The following NRG3 variants were observed in gnomAD, a reference collection of about 807,000 sequenced individuals.
The protein encoded by NRG3 is neuregulin 3.
NRG3 carries 31 observed loss-of-function variants against 66.9 expected under a neutral mutation model. The ratio of observed to expected loss-of-function variants is 0.46; its 90% CI spans 0.35 to 0.63. NRG3 has a LOEUF of 0.63. NRG3 is among the 20% of genes least tolerant of loss of function. The pLI, the probability that NRG3 is intolerant of heterozygous loss-of-function variation, is 0.00. For missense variants in NRG3, 910 were observed against 878.9 expected, an observed-to-expected ratio of 1.04 and a Z score of -0.45; for synonymous variants, 393 against 359.4, an observed-to-expected ratio of 1.09 and a Z score of -1.06.
intron 1 of NRG3, among the ~76,000 whole-genome samples, chr10:82,281,559 T>C (rs2079121329): frequency 6.6e-6 from 1 of 152,046 alleles, no homozygotes; most frequent in Admixed American, 6.6e-5. Flanking sequence ...CAGGGACTCT[T>C]TTAATAAGAC....
chr10:82,221,553 A>T (rs1393974305), intron 1 of NRG3, among the ~76,000 whole-genome samples: 1 of 152,188 alleles, frequency 6.6e-6, no homozygotes, highest in East Asian at 1.9e-4. Flanking sequence ...TTGAGAGATG[A>T]TTCCACATAA....
intron 1 of NRG3, among the ~76,000 whole-genome samples, chr10:82,350,955 G>C (rs1041472225): frequency 1.6e-4 from 24 of 151,606 alleles, no homozygotes; most frequent in Middle Eastern, 3.4e-3. Context: ...GCTGTGGCGC[G>C]ATCTCGGCTC....
chr10:82,872,978 A>G (rs974288703), intron 4 of NRG3, among the ~76,000 whole-genome samples: 1 of 152,184 alleles, frequency 6.6e-6, no homozygotes, highest in Admixed American at 6.5e-5. Flanking sequence ...TAACAACTTC[A>G]GTAAAAACAA....
intron 1 of NRG3, among the ~76,000 whole-genome samples, chr10:81,893,547 A>G (rs1427759509): frequency 6.6e-6 from 1 of 152,126 alleles, no homozygotes; most frequent in African/African-American, 2.4e-5. Context: ...CTTGTTGATT[A>G]GTGTCAAAAT....
chr10:82,457,353 A>G (rs1437779026), intron 2 of NRG3, among the ~76,000 whole-genome samples: 1 of 152,170 alleles, frequency 6.6e-6, no homozygotes, highest in African/African-American at 2.4e-5. Flanking sequence ...CATAAGGAAC[A>G]CATAGCCTAG....
intron 1 of NRG3, among the ~76,000 whole-genome samples, chr10:82,197,437 T>C (rs1231709059): frequency 3.3e-5 from 5 of 152,190 alleles, no homozygotes; most frequent in African/African-American, 1.2e-4. Flanking sequence ...AACTAAAAAT[T>C]GTTCCACAAA....
At position 82,591,841 on chromosome 10, in the gene NRG3, C is replaced by T. The variant is rs187629221; in HGVS notation, c.954-146736C>T. ...CAAAAAGGTTTTCTTTCTTCAGTCA[C>T]TTATTCATTCAGTTACTTCTATCTT... On this transcript the variant is annotated intron_variant, in intron 2 of 8. Transcript: ENST00000372141. 8.5e-5 allele frequency among the ~76,000 whole-genome samples: 13 copies of T among 152,336 alleles called. No individual in the cohort carries two copies. The East Asian group carries it at 2.3e-3, about 27-fold the overall frequency.
chr10:82,651,206 G>T (rs1162407601), intron 2 of NRG3, among the ~76,000 whole-genome samples: 1 of 152,210 alleles, frequency 6.6e-6, no homozygotes, highest in Non-Finnish European at 1.5e-5. Flanking sequence ...AGGTGAGGTA[G>T]TGGGAGTCGA....
At chr10:82,751,865 G>A (rs2058878495) in intron 3 of NRG3, among the ~76,000 whole-genome samples, 2 of 152,040 alleles carry the variant, frequency 1.3e-5, no homozygotes, top group Admixed American at 1.3e-4. Context: ...CTCAGACTAT[G>A]TCTTAAATGT....
At chr10:82,548,781 A>C (rs1313604331) in intron 2 of NRG3, among the ~76,000 whole-genome samples, 1 of 152,134 alleles carries the variant, frequency 6.6e-6, no homozygotes, top group African/African-American at 2.4e-5. Flanking sequence ...TAATTAAAAC[A>C]AAAAGCATCC....
At chr10:82,817,534 C>T (rs962015633) in intron 3 of NRG3, among the ~76,000 whole-genome samples, 117 of 152,264 alleles carry the variant, frequency 7.7e-4, no homozygotes, top group African/African-American at 2.6e-3. Context: ...TCTCTTACCT[C>T]TACTCCTGGT....
chr10:82,873,358 C>A (rs1191911080), intron 4 of NRG3, among the ~76,000 whole-genome samples: 3 of 152,108 alleles, frequency 2.0e-5, no homozygotes, highest in African/African-American at 7.2e-5. Context: ...TTCATTCATG[C>A]ATGAGGGAAA....
chr10:82,806,271 CAACAAT>C (rs1488872452), intron 3 of NRG3, among the ~76,000 whole-genome samples: 1 of 152,138 alleles, frequency 6.6e-6, no homozygotes. Flanking sequence ...TAGGTCTTTT[CAACAAT>C]GACAATGACA....
At chr10:82,343,099 C>G (rs12217533) in intron 1 of NRG3, among the ~76,000 whole-genome samples, 22,332 of 151,890 alleles carry the variant, frequency 0.15, 1,768 homozygotes, top group East Asian at 0.28. Flanking sequence ...TTTATCAAAT[C>G]TAGGGCTCTC....
intron 3 of NRG3, among the ~76,000 whole-genome samples, chr10:82,742,544 T>A (rs575748359): frequency 1.6e-4 from 24 of 152,268 alleles, no homozygotes; most frequent in Middle Eastern, 6.8e-3. Context: ...GGATTCAATG[T>A]ACCACAAGTC....
chr10:82,475,515 A>T (rs1260961491), intron 2 of NRG3, among the ~76,000 whole-genome samples: 6 of 152,150 alleles, frequency 3.9e-5, no homozygotes, highest in Admixed American at 6.6e-5. Flanking sequence ...GGGTGAATAG[A>T]ATAGAAAGCC....
At chr10:82,755,873 G>T (rs948135925) in intron 3 of NRG3, among the ~76,000 whole-genome samples, 13 of 152,048 alleles carry the variant, frequency 8.5e-5, no homozygotes, top group Non-Finnish European at 1.9e-4. Flanking sequence ...AACAAGAAAA[G>T]AAGCAGCTTT....
intron 2 of NRG3, among the ~76,000 whole-genome samples, chr10:82,605,481 T>A (rs1378245449): frequency 6.6e-6 from 1 of 152,018 alleles, no homozygotes; most frequent in Non-Finnish European, 1.5e-5. Flanking sequence ...TTCAATTTGC[T>A]AATATTTTTG....
chr10:81,897,679 G>A (rs1054521017), intron 1 of NRG3, among the ~76,000 whole-genome samples: 1 of 152,146 alleles, frequency 6.6e-6, no homozygotes, highest in African/African-American at 2.4e-5. Context: ...GTGTGCAAGT[G>A]AACCTTTTGA....
Sources: gnomAD v4.1 joint callset for allele counts (sites outside exome capture counted in the v4.1 genomes callset) on GRCh38, gnomAD v4.1.1 for gene constraint, MANE v1.5 for transcripts, NCBI Gene and HGNC (gene_info 2026-07-23, HGNC 2026-07-21) for gene names.